The following RBM20 variants were observed in gnomAD, a reference collection of about 807,000 sequenced individuals.
RBM20 encodes the protein RNA binding motif protein 20, also known as RNA-binding protein 20.
In RBM20, 51 loss-of-function variants were observed where a neutral mutation model predicts 110.1. That is an observed-to-expected ratio of 0.46 (90% confidence interval 0.37 to 0.59). The LOEUF (loss-of-function observed/expected upper bound fraction) is 0.59. Among genes scored for constraint, RBM20 ranks in the 20% least tolerant of loss-of-function variants. RBM20 has a pLI of 0.00. For missense variants in RBM20, 1,512 were observed against 1,574.9 expected, an observed-to-expected ratio of 0.96 and a Z score of 0.68; for synonymous variants, 589 against 618.2, an observed-to-expected ratio of 0.95 and a Z score of 0.70.
chr10:110,686,494 G>A (rs999487611), intron 1 of RBM20, among the ~76,000 whole-genome samples: 1 of 151,966 alleles, frequency 6.6e-6, no homozygotes, highest in Non-Finnish European at 1.5e-5. Flanking sequence ...ACATGGTAGC[G>A]CACGCCTGTA....
At chr10:110,747,350 T>G (rs1180505395) in intron 1 of RBM20, among the ~76,000 whole-genome samples, 1 of 151,480 alleles carries the variant, frequency 6.6e-6, no homozygotes, top group African/African-American at 2.4e-5. Context: ...CCCCTTCAGA[T>G]CCACTGGCCA....
rs118022942 is a variant in RBM20 at position 110,652,823 on chromosome 10, G to A, written c.191+8178G>A. 1.6e-4 allele frequency among the ~76,000 whole-genome samples: 24 copies of A among 152,286 alleles called. No homozygotes were observed. The East Asian group carries it at 2.5e-3, about 16-fold the overall frequency. On this transcript the variant is annotated intron_variant, in intron 1 of 13. Coordinates refer to ENST00000369519, the MANE Select transcript of RBM20 (RefSeq NM_001134363.3). ...AAATGGAGGCATTCATAAATTAACCGTGTATGTACCAGCCTTAGTCTACTC... is the reference window on the plus strand; with the variant it reads ...AAATGGAGGCATTCATAAATTAACCATGTATGTACCAGCCTTAGTCTACTC...
At chr10:110,706,613 C>G (rs1463997175) in intron 1 of RBM20, among the ~76,000 whole-genome samples, 1 of 152,170 alleles carries the variant, frequency 6.6e-6, no homozygotes, top group Non-Finnish European at 1.5e-5. Flanking sequence ...GAGAGCTATT[C>G]TGGTCTCTCT....
chr10:110,684,252 G>A (rs778882744), intron 1 of RBM20, among the ~76,000 whole-genome samples: 4 of 152,140 alleles, frequency 2.6e-5, no homozygotes, highest in South Asian at 2.1e-4. Flanking sequence ...AAAATTAGCC[G>A]GGTGTGGTGG....
At position 110,784,421 on chromosome 10, in the gene RBM20, C is replaced by T. The variant is rs727503387; in HGVS notation, c.1418C>T (p.Ala473Val). 24 of 1,550,998 alleles carry T rather than the reference C, an allele frequency of 1.5e-5. No homozygotes were observed. In the African/African-American group the frequency reaches 3.3e-4, roughly 21 times the overall value. Reference protein sequence around the residue: ...SPNSTAVYNPAGNEDYASNLG... With the variant: ...SPNSTAVYNPVGNEDYASNLG... ...AACAGCACAGCTGTTTATAACCCTGCTGGGAATGAAGGTGAGCAAGGCCCT... is the reference window on the plus strand; with the variant it reads ...AACAGCACAGCTGTTTATAACCCTGTTGGGAATGAAGGTGAGCAAGGCCCT... The change falls in exon 4 of 14, where the codon GCT becomes GTT. Residue 473 changes from alanine (A) to valine (V), a missense_variant. This residue lies in a region of RBM20 where 1,149 missense variants were observed against 1,169.4 expected (regional missense o/e 0.98). Coordinates refer to ENST00000369519, the MANE Select transcript of RBM20 (RefSeq NM_001134363.3).
At chr10:110,787,271 G>T (rs193246448) in intron 5 of RBM20, among the ~76,000 whole-genome samples, 4 of 152,352 alleles carry the variant, frequency 2.6e-5, no homozygotes, top group Admixed American at 2.6e-4. Flanking sequence ...TGGTTCAGTG[G>T]CCAGCGCCAG....
chr10:110,693,062 T>C (rs1862610710), intron 1 of RBM20, among the ~76,000 whole-genome samples: 3 of 146,738 alleles, frequency 2.0e-5, no homozygotes, highest in Admixed American at 6.8e-5. Flanking sequence ...GTATATTACA[T>C]TGACTAATTT....
chr10:110,659,284 A>G (rs1304408594), intron 1 of RBM20, among the ~76,000 whole-genome samples: 1 of 152,196 alleles, frequency 6.6e-6, no homozygotes, highest in African/African-American at 2.4e-5. Context: ...TAAATGCGGA[A>G]AGTCATAAAC....
intron 12 of RBM20, among the ~76,000 whole-genome samples, chr10:110,828,811 T>G (rs73360826): frequency 0.044 from 6,690 of 152,276 alleles, 239 homozygotes; most frequent in African/African-American, 0.1. Flanking sequence ...CAAGGTTTTT[T>G]TTTGTTTGTT....
chr10:110,823,969 C>T (rs1384850217), intron 12 of RBM20, among the ~76,000 whole-genome samples: 1 of 151,848 alleles, frequency 6.6e-6, no homozygotes, highest in Non-Finnish European at 1.5e-5. Context: ...TTAAGTGATC[C>T]TCCTGCCTCA....
chr10:110,700,097 C>T (rs370808483), intron 1 of RBM20, among the ~76,000 whole-genome samples: 3 of 152,266 alleles, frequency 2.0e-5, no homozygotes, highest in East Asian at 1.9e-4. Context: ...TTTTGGACCA[C>T]GCTTGACTGT....
intron 1 of RBM20, among the ~76,000 whole-genome samples, chr10:110,687,517 G>A (rs764975479): frequency 9.9e-5 from 15 of 152,122 alleles, no homozygotes; most frequent in Admixed American, 1.3e-4. Context: ...AAATCTAAAC[G>A]AGCAAAAAAT....
intron 1 of RBM20, among the ~76,000 whole-genome samples, chr10:110,697,812 C>T (rs1862688331): frequency 1.3e-5 from 2 of 152,180 alleles, no homozygotes; most frequent in South Asian, 4.1e-4. Flanking sequence ...GCCTCCCTCC[C>T]CTGATTTTAT....
chr10:110,769,764 G>A (rs1177276781), intron 1 of RBM20, among the ~76,000 whole-genome samples: 1 of 151,686 alleles, frequency 6.6e-6, no homozygotes, highest in Non-Finnish European at 1.5e-5. Flanking sequence ...ACTCACCCAG[G>A]CTGGAGTGCA....
intron 3 of RBM20, 88 bp from the exon 4 acceptor site, chr10:110,784,253 C>T: frequency 2.1e-6 from 2 of 941,912 alleles, no homozygotes; most frequent in South Asian, 1.4e-5. Context: ...ATTTGGGGGT[C>T]TGCACCTACG....
chr10:110,728,869 C>T (rs1173093480), intron 1 of RBM20, among the ~76,000 whole-genome samples: 3 of 152,240 alleles, frequency 2.0e-5, no homozygotes, highest in Middle Eastern at 3.4e-3. Flanking sequence ...ACCCGCTGAG[C>T]GATGCTGCTC....
chr10:110,647,130 A>G (rs1861880166), intron 1 of RBM20, among the ~76,000 whole-genome samples: 2 of 152,196 alleles, frequency 1.3e-5, no homozygotes, highest in South Asian at 4.1e-4. Flanking sequence ...TTTTAGATCA[A>G]AGTCAATGAC....
intron 1 of RBM20, among the ~76,000 whole-genome samples, chr10:110,664,311 T>C (rs2134828825): frequency 6.6e-6 from 1 of 152,306 alleles, no homozygotes; most frequent in South Asian, 2.1e-4. Flanking sequence ...GACCACGGTG[T>C]CCTGTGAGAA....
At chr10:110,702,737 G>T (rs1482132953) in intron 1 of RBM20, among the ~76,000 whole-genome samples, 2 of 152,180 alleles carry the variant, frequency 1.3e-5, no homozygotes, top group Non-Finnish European at 2.9e-5. Flanking sequence ...TCTGGATCCA[G>T]ACTGCTTATG....
Sources: gnomAD v4.1 joint callset for allele counts (sites outside exome capture counted in the v4.1 genomes callset) on GRCh38, gnomAD v4.1.1 for gene constraint, gnomAD v4.1.1 regional missense constraint, MANE v1.5 for transcripts, NCBI Gene and HGNC (gene_info 2026-07-23, HGNC 2026-07-21) for gene names.